CAMTA1: variants seen among roughly 807,000 people sequenced by gnomAD.
CAMTA1 encodes the protein calmodulin-binding transcription activator 1.
Under a neutral mutation model 170.9 loss-of-function variants are expected in CAMTA1, and 27 were observed. The observed-to-expected ratio is 0.16, with a 90% CI of 0.12 to 0.22. The LOEUF (loss-of-function observed/expected upper bound fraction) is 0.22. Among genes scored for constraint, CAMTA1 ranks in the 10% least tolerant of loss-of-function variants. The probability of loss-of-function intolerance (pLI) is 1.00; values close to 1 mark genes in which losing one functional copy is unlikely to be tolerated. For missense variants in CAMTA1, 1,619 were observed against 2,217.2 expected, an observed-to-expected ratio of 0.73 and a Z score of 5.42; for synonymous variants, 833 against 891.5, an observed-to-expected ratio of 0.93 and a Z score of 1.17.
rs192768833 is a variant in CAMTA1 at position 7,532,085 on chromosome 1, G to A, written c.510+64184G>A. Among the ~76,000 whole-genome samples the A allele has an allele frequency of 4.9e-4, 74 of 152,186 alleles. No individual in the cohort carries two copies. The highest frequency in any genetic ancestry group is 8.2e-4 in the African/African-American group (34 of 41,426). On this transcript the variant is annotated intron_variant, in intron 6 of 22. Transcript: ENST00000303635. This position sits in a 1 kb window ranked among gnomAD's most constrained non-coding sequence, Gnocchi z 4.2. ...AGAGGAAGGGGCAGGGGCGGCGAAT[G>A]AGTGACAGAAAAGGAGGCAGGTGAC...
At chr1:7,692,892 C>A (rs184396999) in intron 11 of CAMTA1, among the ~76,000 whole-genome samples, 1 of 152,318 alleles carries the variant, frequency 6.6e-6, no homozygotes, top group African/African-American at 2.4e-5. Flanking sequence ...AGGGGGCACA[C>A]GGAACAACAC....
At chr1:7,100,752 G>T (rs114893644) in intron 4 of CAMTA1, among the ~76,000 whole-genome samples, 1 of 152,210 alleles carries the variant, frequency 6.6e-6, no homozygotes, top group South Asian at 2.1e-4. Context: ...TGGCACAGGG[G>T]CGTGGTGTGG....
chr1:6,852,849 T>C (rs1022645600), intron 3 of CAMTA1, among the ~76,000 whole-genome samples: 2 of 152,106 alleles, frequency 1.3e-5, no homozygotes, highest in Admixed American at 1.3e-4. Context: ...CAGGAGGTGG[T>C]GGGGTGGGGA....
Position 7,664,908 on chromosome 1 carries a change from C to T in CAMTA1, c.2361C>T (p.Ser787=), listed in dbSNP as rs761674990. ...ACTTCATCTCCGTGGAGGGGGGCAG[C>T]AGCACCATCTATGGGCACCAGCTGG... ...INDFISVEGG[S]STIYGHQLVS... is the part of the protein sequence containing the mutation. Residue 787 remains serine, a synonymous_variant, in exon 9 of 23, where the codon AGC becomes AGT. Coordinates refer to ENST00000303635, the MANE Select transcript of CAMTA1 (RefSeq NM_015215.4). The T allele has an allele frequency of 6.2e-7, 1 of 1,613,232 alleles. No homozygotes were observed. Among genetic ancestry groups the T allele is most frequent in the East Asian group, 2.2e-5 (1 of 44,874 alleles).
chr1:7,520,413 T>C (rs2094349806), intron 6 of CAMTA1, among the ~76,000 whole-genome samples: 2 of 149,930 alleles, frequency 1.3e-5, no homozygotes, highest in South Asian at 4.4e-4. Flanking sequence ...TCCGAAGTGC[T>C]GAGTACAAGT....
intron 6 of CAMTA1, among the ~76,000 whole-genome samples, chr1:7,520,203 T>C (rs1027388087): frequency 5.2e-3 from 1 of 194 alleles, no homozygotes; most frequent in African/African-American, 0.022. Context: ...ACTGCCGACC[T>C]CCTCCTCCTC....
At chr1:7,544,331 C>T (rs1235969577) in intron 6 of CAMTA1, among the ~76,000 whole-genome samples, 3 of 152,194 alleles carry the variant, frequency 2.0e-5, no homozygotes, top group Admixed American at 6.5e-5. Context: ...AATTATCTCC[C>T]GCCAGGTCCC....
At chr1:7,723,762 A>G (rs1400126451) in intron 11 of CAMTA1, among the ~76,000 whole-genome samples, 1 of 152,216 alleles carries the variant, frequency 6.6e-6, no homozygotes, top group Non-Finnish European at 1.5e-5. Flanking sequence ...ACACCAGGCA[A>G]ACCTAAATTG....
At chr1:6,973,255 T>C (rs1160553964) in intron 3 of CAMTA1, among the ~76,000 whole-genome samples, 2 of 152,230 alleles carry the variant, frequency 1.3e-5, no homozygotes, top group South Asian at 2.1e-4. Context: ...TGAAATTTTA[T>C]ACATGTTGAA....
chr1:7,139,949 A>G (rs1645798433), intron 4 of CAMTA1, among the ~76,000 whole-genome samples: 1 of 152,228 alleles, frequency 6.6e-6, no homozygotes. Flanking sequence ...CAAGAATGAC[A>G]ATAAAGATTA....
intron 4 of CAMTA1, among the ~76,000 whole-genome samples, chr1:7,155,906 C>T (rs1646850636): frequency 6.6e-6 from 1 of 152,082 alleles, no homozygotes; most frequent in Admixed American, 6.6e-5. Context: ...TCATTCAGTT[C>T]CACATTTATG....
At chr1:7,068,899 T>C (rs2147892714) in intron 3 of CAMTA1, among the ~76,000 whole-genome samples, 1 of 152,318 alleles carries the variant, frequency 6.6e-6, no homozygotes, top group South Asian at 2.1e-4. Context: ...TTTGTGCAGA[T>C]AATTGACAGT....
At chr1:7,657,112 G>C (rs2095910856) in intron 7 of CAMTA1, among the ~76,000 whole-genome samples, 1 of 152,232 alleles carries the variant, frequency 6.6e-6, no homozygotes, top group South Asian at 2.1e-4. Context: ...CCAGCATCCT[G>C]CTTCCCAGTG....
intron 4 of CAMTA1, among the ~76,000 whole-genome samples, chr1:7,180,173 C>G (rs532039881): frequency 6.6e-6 from 1 of 151,714 alleles, no homozygotes; most frequent in Admixed American, 6.6e-5. Context: ...TCGAGATCAG[C>G]GTGGCCAACG....
intron 6 of CAMTA1, among the ~76,000 whole-genome samples, chr1:7,505,456 CA>C (rs2094089023): frequency 6.6e-6 from 1 of 152,228 alleles, no homozygotes; most frequent in Non-Finnish European, 1.5e-5. Flanking sequence ...AGCTCCAGCC[CA>C]CCCTCTCCAC....
intron 3 of CAMTA1, among the ~76,000 whole-genome samples, chr1:7,025,092 T>G (rs1701845138): frequency 6.6e-6 from 1 of 152,208 alleles, no homozygotes; most frequent in Admixed American, 6.5e-5. Context: ...CTGGGATATT[T>G]CCCACTTTTA....
chr1:7,728,865 G>T (rs748506337), intron 11 of CAMTA1, among the ~76,000 whole-genome samples: 1 of 152,126 alleles, frequency 6.6e-6, no homozygotes, highest in Non-Finnish European at 1.5e-5. Context: ...TGTGTTTTCT[G>T]CTGGTGGTCA....
intron 4 of CAMTA1, among the ~76,000 whole-genome samples, chr1:7,105,387 C>T (rs1320737046): frequency 6.6e-6 from 1 of 152,206 alleles, no homozygotes; most frequent in Non-Finnish European, 1.5e-5. Flanking sequence ...TATCTGAATT[C>T]GCAGAAGTCA....
At chr1:7,464,123 A>T (rs1212626065) in intron 5 of CAMTA1, among the ~76,000 whole-genome samples, 1 of 152,222 alleles carries the variant, frequency 6.6e-6, no homozygotes, top group Non-Finnish European at 1.5e-5. Flanking sequence ...GGTTGCTTTC[A>T]TCTGAAAGGT....
Sources: allele counts gnomAD v4.1 joint callset (sites outside exome capture counted in the v4.1 genomes callset), GRCh38; gene constraint gnomAD v4.1.1; non-coding constraint Gnocchi (gnomAD v3.1); transcripts MANE v1.5; gene names NCBI Gene and HGNC (gene_info 2026-07-23, HGNC 2026-07-21).